The following SAP130 variants were observed in gnomAD, a reference collection of about 807,000 sequenced individuals.
SAP130 encodes histone deacetylase complex subunit SAP130.
SAP130 carries 16 observed loss-of-function variants against 103.2 expected under a neutral mutation model. That is an observed-to-expected ratio of 0.16 (90% CI 0.10 to 0.24). The LOEUF (loss-of-function observed/expected upper bound fraction) is 0.24. SAP130 is among the 10% of genes least tolerant of loss of function. The pLI, the probability that SAP130 is intolerant of heterozygous loss-of-function variation, is 1.00. For synonymous variants in SAP130, 477 were observed against 497.0 expected (o/e 0.96, Z 0.53); for missense variants, 990 against 1,359.7 (o/e 0.73, Z 4.28).
At chr2:128,014,097 G>A (rs1422748934) in intron 5 of SAP130, among the ~76,000 whole-genome samples, 2 of 152,040 alleles carry the variant, frequency 1.3e-5, no homozygotes. Flanking sequence ...CAATATATAG[G>A]ACAATTTTAG....
chr2:127,950,714 G>A lies in SAP130; in HGVS notation c.2423-306C>T, dbSNP rs541214476. ...GGTCATCTAAGATGGAAGTAGAAGT[G>A]TTTTGTAGCACTTTTAGCAAATTTC... On this transcript the variant is annotated intron_variant, in intron 16 of 20. Transcript: ENST00000643581. Among the ~76,000 whole-genome samples the A allele has an allele frequency of 7.9e-5, 12 of 152,346 alleles. No individual in the cohort carries two copies. The South Asian group carries it at 2.3e-3, about 29-fold the overall frequency.
intron 7 of SAP130, among the ~76,000 whole-genome samples, chr2:128,009,351 G>A (rs967526534): frequency 3.9e-5 from 6 of 152,140 alleles, no homozygotes; most frequent in Non-Finnish European, 7.4e-5. Flanking sequence ...CACATCTGGA[G>A]TTCCAGCTAC....
At chr2:127,976,208 G>C (rs1241965402) in intron 15 of SAP130, among the ~76,000 whole-genome samples, 1 of 152,152 alleles carries the variant, frequency 6.6e-6, no homozygotes, top group Non-Finnish European at 1.5e-5. Flanking sequence ...TTATATCAAA[G>C]CCTTGGTTCC....
intron 18 of SAP130, among the ~76,000 whole-genome samples, chr2:127,948,136 G>A (rs1017695255): frequency 1.3e-5 from 2 of 151,956 alleles, no homozygotes; most frequent in Non-Finnish European, 2.9e-5. Flanking sequence ...CTATGCCACT[G>A]CATTCAAAGT....
intron 1 of SAP130, 21 bp from the exon 2 acceptor site, chr2:128,026,319 T>C (rs1161980677): frequency 2.0e-6 from 3 of 1,491,234 alleles, no homozygotes; most frequent in African/African-American, 1.4e-5. Context: ...TACAGTTATA[T>C]GGTTATTACT....
rs1682624863 is a variant in SAP130 at position 127,989,342 on chromosome 2, C to A, written c.1780+222G>T. On this transcript the variant is annotated intron_variant, in intron 13 of 20. Transcript: ENST00000643581. The surrounding 1 kb of genome is among the most constrained non-coding windows in gnomAD (Gnocchi z 4.6). ...TTGATCTCCTGACCTCGTGATCCAC[C>A]CGCCTCAGCCTCCCAAAGTGCTGGG... is the stretch of plus-strand genomic sequence containing the variant. Among the ~76,000 whole-genome samples the A allele has an allele frequency of 6.6e-6, 1 of 151,976 alleles. No individual in the cohort carries two copies. Among genetic ancestry groups the A allele is most frequent in the Non-Finnish European group, 1.5e-5 (1 of 67,960 alleles).
Position 127,989,897 on chromosome 2 carries a change from A to C in SAP130, c.1478-31T>G. ...AATGATGCGAAAGGTAACTATAAGA[A>C]GGTTAGCTTCATTTCACACAGTCCA... On this transcript the variant is annotated intron_variant, in intron 12 of 20. Transcript: ENST00000643581. The surrounding 1 kb of genome is among the most constrained non-coding windows in gnomAD (Gnocchi z 4.6). 6.3e-7 allele frequency: 1 copy of C among 1,592,918 alleles called. No individual in the cohort carries two copies.
At chr2:127,997,508 G>A (rs887256149) in intron 10 of SAP130, among the ~76,000 whole-genome samples, 1 of 152,242 alleles carries the variant, frequency 6.6e-6, no homozygotes, top group Non-Finnish European at 1.5e-5. Flanking sequence ...GCCAGCTCCT[G>A]TGGGAGGCAG....
At chr2:127,945,893 T>C (rs1034604605) in intron 18 of SAP130, among the ~76,000 whole-genome samples, 1 of 152,190 alleles carries the variant, frequency 6.6e-6, no homozygotes, top group African/African-American at 2.4e-5. Context: ...GCTCAAGCAA[T>C]TTGCCTGCCA....
intron 5 of SAP130, among the ~76,000 whole-genome samples, 163 bp downstream of exon 5, chr2:128,014,640 T>C (rs1684647563): frequency 6.6e-6 from 1 of 152,174 alleles, no homozygotes; most frequent in African/African-American, 2.4e-5. Flanking sequence ...CCTGGCCTTT[T>C]TTTCTTTTTA....
intron 2 of SAP130, among the ~76,000 whole-genome samples, chr2:128,021,828 C>G (rs1376958189): frequency 1.3e-5 from 2 of 152,180 alleles, no homozygotes; most frequent in African/African-American, 4.8e-5. Context: ...GTGTGTCTCA[C>G]TGTAGTTTTA....
chr2:127,993,175 C>G lies in SAP130; in HGVS notation c.1477+12G>C, dbSNP rs1180577831. 1.2e-6 allele frequency: 2 copies of G among 1,613,320 alleles called. No homozygotes were observed. The highest frequency in any genetic ancestry group is 1.7e-5 in the Admixed American group (1 of 59,880). On this transcript the variant is annotated intron_variant, in intron 12 of 20. Transcript: ENST00000643581. ...AAACTGTGAAAAGTCATCTAAAAAG[C>G]AGGGCTCATACCTGGATACTGTCGG... is the stretch of plus-strand genomic sequence containing the variant.
intron 7 of SAP130, among the ~76,000 whole-genome samples, chr2:128,003,203 G>T (rs1207575191): frequency 6.6e-6 from 1 of 151,498 alleles, no homozygotes; most frequent in Non-Finnish European, 1.5e-5. Flanking sequence ...AAAAGAAAGA[G>T]ACTTTGATTA....
chr2:127,993,375 A>G (rs1385338333), intron 11 of SAP130, 67 bp from the exon 12 acceptor site: 39 of 1,494,824 alleles, frequency 2.6e-5, no homozygotes, highest in Non-Finnish European at 3.3e-5. Context: ...ATGATCCTAT[A>G]CCCCAGTTCC....
At chr2:128,021,384 T>A (rs1290915351) in intron 2 of SAP130, among the ~76,000 whole-genome samples, 2 of 150,572 alleles carry the variant, frequency 1.3e-5, no homozygotes, top group South Asian at 4.2e-4. Flanking sequence ...GAGGTGGAGG[T>A]TGCAGTGAGT....
intron 15 of SAP130, among the ~76,000 whole-genome samples, chr2:127,958,586 A>G (rs1003830563): frequency 5.9e-5 from 9 of 152,020 alleles, no homozygotes; most frequent in Admixed American, 5.9e-4. Context: ...TAATACCTTT[A>G]TATGTATGCC....
At chr2:128,001,011 G>A (rs1269675322) in intron 7 of SAP130, among the ~76,000 whole-genome samples, 3 of 152,198 alleles carry the variant, frequency 2.0e-5, no homozygotes, top group Admixed American at 6.5e-5. Flanking sequence ...AAAGATCAGA[G>A]ACAATTTGGA....
chr2:128,014,655 A>G, intron 5 of SAP130, 148 bp downstream of exon 5: 3 of 618,344 alleles, frequency 4.9e-6, no homozygotes, highest in Non-Finnish European at 5.7e-6. Flanking sequence ...TTTTTAAATA[A>G]AAGAGGTTTA....
In SAP130 at chr2:127,955,216, G is replaced by C; in HGVS notation, c.2192C>G (p.Pro731Arg). The change falls in exon 16 of 21, where the codon CCG (proline) becomes CGG (arginine). Residue 731 changes from proline to arginine, a missense_variant. Coordinates refer to ENST00000643581, the MANE Select transcript of SAP130 (RefSeq NM_001330301.2). This position sits in a 1 kb window ranked among gnomAD's most constrained non-coding sequence, Gnocchi z 4.9. ...TGCTGCAATCATAGTTGGAATGGTCGGTGGGGGCTGCTGGGCAGTTGGAGG... is the reference window on the plus strand; with the variant it reads ...TGCTGCAATCATAGTTGGAATGGTCCGTGGGGGCTGCTGGGCAGTTGGAGG... The part of the protein sequence containing the change: ...AVPPTAQQPP[P>R]TIPTMIAAAS... 6.2e-7 allele frequency: 1 copy of C among 1,614,098 alleles called. No individual in the cohort carries two copies. Among genetic ancestry groups the C allele is most frequent in the African/African-American group, 1.3e-5 (1 of 75,024 alleles).
Sources: allele counts gnomAD v4.1 joint callset (sites outside exome capture counted in the v4.1 genomes callset), GRCh38; gene constraint gnomAD v4.1.1; non-coding constraint Gnocchi (gnomAD v3.1); transcripts MANE v1.5; gene names NCBI Gene and HGNC (gene_info 2026-07-23, HGNC 2026-07-21).